The following SEMA5A variants were observed in gnomAD, a reference collection of about 807,000 sequenced individuals.
The protein encoded by SEMA5A is semaphorin-5A.
A neutral mutation model predicts 135.5 loss-of-function variants in SEMA5A; 55 were observed. The observed-to-expected ratio is 0.41, with a 90% confidence interval of 0.33 to 0.51. The LOEUF (loss-of-function observed/expected upper bound fraction) is 0.51, where lower values mean the gene tolerates loss of function less well. Ranked by LOEUF, SEMA5A falls within the 20% of genes least tolerant of loss-of-function variation. The pLI is 0.37. For synonymous variants in SEMA5A, 580 were observed against 546.5 expected (o/e 1.06, Z -0.85); for missense variants, 1,290 against 1,419.9 (o/e 0.91, Z 1.47).
chr5:9,036,616 C>G lies in SEMA5A; in HGVS notation c.*6281G>C, dbSNP rs532492317. ...TCTAGAAGGCTAATACTGAAGTCACCTCTCTTCTGAGCATATGTTGTACCT... is the reference window on the plus strand; with the variant it reads ...TCTAGAAGGCTAATACTGAAGTCACGTCTCTTCTGAGCATATGTTGTACCT... On this transcript the variant is annotated 3_prime_UTR_variant, in exon 23 of 23. Transcript: ENST00000382496. The G allele has an allele frequency of 7.9e-5, 12 of 152,472 alleles. No individual in the cohort carries two copies. The highest frequency in any genetic ancestry group is 1.8e-4 in the Non-Finnish European group (12 of 68,036). 9.4% of individuals were successfully genotyped at this position (152,472 alleles called of 1,614,324 possible). A position where few individuals can be genotyped will look rare whatever the true frequency, so the allele number is the denominator to read the frequency against.
intron 5 of SEMA5A, among the ~76,000 whole-genome samples, chr5:9,288,841 C>G (rs1174641221): frequency 6.6e-6 from 1 of 152,136 alleles, no homozygotes; most frequent in African/African-American, 2.4e-5. Flanking sequence ...TCATTCATAT[C>G]ATGTTGATAT....
intron 2 of SEMA5A, among the ~76,000 whole-genome samples, chr5:9,401,568 A>G (rs539844596): frequency 6.6e-6 from 1 of 152,232 alleles, no homozygotes; most frequent in Non-Finnish European, 1.5e-5. Flanking sequence ...GCCAAAGCAC[A>G]GGAATATAAT....
At chr5:9,141,651 T>C (rs146809643) in intron 12 of SEMA5A, among the ~76,000 whole-genome samples, 135 of 152,346 alleles carry the variant, frequency 8.9e-4, no homozygotes, top group African/African-American at 3.1e-3. Flanking sequence ...AGGATAAATG[T>C]CTACTTTCCT....
chr5:9,094,709 G>A (rs928975483), intron 16 of SEMA5A, among the ~76,000 whole-genome samples: 3 of 152,172 alleles, frequency 2.0e-5, no homozygotes, highest in Middle Eastern at 3.2e-3. Context: ...GACATTAGAG[G>A]TCCTTCGAGG....
chr5:9,240,826 T>C (rs1748152565), intron 5 of SEMA5A, among the ~76,000 whole-genome samples: 1 of 152,142 alleles, frequency 6.6e-6, no homozygotes. Flanking sequence ...AAGCCACGTG[T>C]CCACTTGTAT....
intron 2 of SEMA5A, among the ~76,000 whole-genome samples, chr5:9,421,118 T>C (rs1020274141): frequency 2.1e-4 from 32 of 152,212 alleles, no homozygotes; most frequent in African/African-American, 7.7e-4. Flanking sequence ...ACTTATTTCT[T>C]CCCCTACCCA....
chr5:9,264,180 T>C (rs1561085395), intron 5 of SEMA5A, among the ~76,000 whole-genome samples: 1 of 152,208 alleles, frequency 6.6e-6, no homozygotes, highest in Admixed American at 6.5e-5. Context: ...TAGTTTTCAT[T>C]TAGACCTATT....
At chr5:9,313,398 G>A (rs918894363) in intron 5 of SEMA5A, among the ~76,000 whole-genome samples, 3 of 151,996 alleles carry the variant, frequency 2.0e-5, no homozygotes, top group Non-Finnish European at 4.4e-5. Context: ...CTGGGTTAAC[G>A]TTACTTTTCT....
intron 1 of SEMA5A, among the ~76,000 whole-genome samples, chr5:9,531,725 G>C (rs1375084462): frequency 1.3e-5 from 2 of 152,172 alleles, no homozygotes; most frequent in East Asian, 1.9e-4. Flanking sequence ...GATACCGAGA[G>C]AGGAAAAACC....
At chr5:9,502,366 A>C (rs536942739) in intron 1 of SEMA5A, among the ~76,000 whole-genome samples, 175 of 152,348 alleles carry the variant, frequency 1.1e-3, no homozygotes, top group African/African-American at 4.0e-3. Context: ...ATATATATGA[A>C]TATCAGAGGC....
At chr5:9,159,507 T>C (rs1000273283) in intron 11 of SEMA5A, among the ~76,000 whole-genome samples, 8 of 151,784 alleles carry the variant, frequency 5.3e-5, no homozygotes, top group Non-Finnish European at 8.8e-5. Context: ...CAAAATGAGA[T>C]ACCATCTCAT....
In SEMA5A at chr5:9,355,332, G is replaced by A. The variant is rs142016895; in HGVS notation, c.125-17520C>T. On this transcript the variant is annotated intron_variant, in intron 3 of 22. Coordinates refer to ENST00000382496, the MANE Select transcript of SEMA5A (RefSeq NM_003966.3). ...GCATTTTTTAAAAACTCTTAGGACTGTAGCATGGGGAATGGTCTGCAGAGG... is the reference window on the plus strand; with the variant it reads ...GCATTTTTTAAAAACTCTTAGGACTATAGCATGGGGAATGGTCTGCAGAGG... 2.6e-4 allele frequency among the ~76,000 whole-genome samples: 40 copies of A among 152,310 alleles called. 1 individual carries two copies. The highest frequency in any genetic ancestry group is 7.0e-4 in the African/African-American group (29 of 41,560).
At chr5:9,181,502 C>T (rs1054984753) in intron 11 of SEMA5A, among the ~76,000 whole-genome samples, 2 of 152,086 alleles carry the variant, frequency 1.3e-5, no homozygotes, top group Admixed American at 6.5e-5. Flanking sequence ...GCCCCCCTGG[C>T]ACCCCACCAA....
intron 2 of SEMA5A, among the ~76,000 whole-genome samples, chr5:9,386,198 C>T (rs16882600): frequency 0.09 from 13,748 of 152,160 alleles, 682 homozygotes; most frequent in African/African-American, 0.1. Context: ...AAACTAGAGT[C>T]GCCTTCCAGA....
intron 16 of SEMA5A, among the ~76,000 whole-genome samples, chr5:9,089,599 C>G (rs945681709): frequency 6.6e-6 from 1 of 152,194 alleles, no homozygotes; most frequent in East Asian, 1.9e-4. Flanking sequence ...ATTATCCCCA[C>G]TCTTGACCTT....
chr5:9,124,623 T>C (rs1049105236), intron 13 of SEMA5A, among the ~76,000 whole-genome samples: 1 of 152,144 alleles, frequency 6.6e-6, no homozygotes, highest in African/African-American at 2.4e-5. Context: ...CACCAGCTAA[T>C]TTTTATATTT....
At chr5:9,488,261 T>C (rs1454123804) in intron 1 of SEMA5A, among the ~76,000 whole-genome samples, 4 of 152,142 alleles carry the variant, frequency 2.6e-5, no homozygotes, top group African/African-American at 4.8e-5. Context: ...TCCTTGGACA[T>C]GTAAAATTGG....
chr5:9,381,981 T>TGTGTGTGTGCGC (rs1411451751), intron 2 of SEMA5A, among the ~76,000 whole-genome samples: 3 of 99,920 alleles, frequency 3.0e-5, no homozygotes, highest in East Asian at 2.7e-4. Flanking sequence ...TGTGTGTGTG[T>TGTGTGTGTGCGC]GCGCGCGCGC....
intron 6 of SEMA5A, among the ~76,000 whole-genome samples, chr5:9,230,163 T>C (rs896541945): frequency 2.7e-4 from 38 of 139,314 alleles, no homozygotes; most frequent in Admixed American, 4.9e-4. Flanking sequence ...TTTTTCTTTT[T>C]TTTTTTTTTT....
Sources: gnomAD v4.1 joint callset for allele counts (sites outside exome capture counted in the v4.1 genomes callset) on GRCh38, gnomAD v4.1.1 for gene constraint, MANE v1.5 for transcripts, NCBI Gene and HGNC (gene_info 2026-07-23, HGNC 2026-07-21) for gene names.